ZSWIM6: variants seen among roughly 807,000 people sequenced by gnomAD.
ZSWIM6 encodes zinc finger SWIM-type containing 6, also known as zinc finger SWIM domain-containing protein 6.
Under a neutral mutation model 113.2 loss-of-function variants are expected in ZSWIM6, and 9 were observed. That is an observed-to-expected ratio of 0.08 (90% CI 0.05 to 0.14). The LOEUF is 0.14. Among genes scored for constraint, ZSWIM6 ranks in the 10% least tolerant of loss-of-function variants. The pLI is 1.00. For synonymous variants in ZSWIM6, 611 were observed against 606.5 expected (o/e 1.01, Z -0.11); for missense variants, 1,162 against 1,552.2 (o/e 0.75, Z 4.22).
At chr5:61,391,687 C>G in intron 1 of ZSWIM6, 1 of 1,113,042 alleles carries the variant, frequency 9.0e-7, no homozygotes, top group Non-Finnish European at 1.4e-6. Context: ...GGATCCTGGC[C>G]TGTCGACTTC....
At chr5:61,334,848 A>G (rs1263150839) in intron 1 of ZSWIM6, among the ~76,000 whole-genome samples, 1 of 150,404 alleles carries the variant, frequency 6.6e-6, no homozygotes, top group Non-Finnish European at 1.5e-5. Flanking sequence ...CAGTATAACA[A>G]ACTAGAGTCT....
At chr5:61,400,051 G>A (rs1160668705) in intron 1 of ZSWIM6, among the ~76,000 whole-genome samples, 1 of 152,204 alleles carries the variant, frequency 6.6e-6, no homozygotes, top group African/African-American at 2.4e-5. Context: ...CTTTGAAGCA[G>A]TCTTGACAGG....
intron 1 of ZSWIM6, among the ~76,000 whole-genome samples, chr5:61,465,678 C>T (rs1324225125): frequency 6.6e-6 from 1 of 152,114 alleles, no homozygotes; most frequent in Non-Finnish European, 1.5e-5. Flanking sequence ...TGGGCCCATC[C>T]AATGCATGCT....
chr5:61,356,174 C>G (rs376813046), intron 1 of ZSWIM6, among the ~76,000 whole-genome samples: 2 of 152,198 alleles, frequency 1.3e-5, no homozygotes, highest in South Asian at 2.1e-4. Context: ...AATCATAGCT[C>G]ACTGCAGCCC....
At chr5:61,539,178 A>G (rs540098443) in intron 11 of ZSWIM6, among the ~76,000 whole-genome samples, 3 of 152,326 alleles carry the variant, frequency 2.0e-5, no homozygotes, top group African/African-American at 7.2e-5. Flanking sequence ...AGCAGAGTTC[A>G]GGTTAGTTAC....
intron 1 of ZSWIM6, among the ~76,000 whole-genome samples, chr5:61,464,158 A>AT (rs869288331): frequency 0.027 from 1,192 of 43,460 alleles, 46 homozygotes; most frequent in East Asian, 0.035. Flanking sequence ...CACCCGGCTA[A>AT]TTTTTTTTTT....
intron 5 of ZSWIM6, among the ~76,000 whole-genome samples, chr5:61,523,342 T>C (rs1229650376): frequency 2.0e-5 from 3 of 152,232 alleles, no homozygotes; most frequent in Non-Finnish European, 2.9e-5. Context: ...GAAGGGCTTA[T>C]CCAGGCTCTG....
chr5:61,431,251 T>C (rs1746573164), intron 1 of ZSWIM6, among the ~76,000 whole-genome samples: 1 of 151,346 alleles, frequency 6.6e-6, no homozygotes. Context: ...TACGTGCCTG[T>C]AGTCCCAGCT....
intron 1 of ZSWIM6, among the ~76,000 whole-genome samples, chr5:61,465,837 G>A (rs1747422434): frequency 6.6e-6 from 1 of 152,124 alleles, no homozygotes; most frequent in African/African-American, 2.4e-5. Context: ...TTAAAATAAA[G>A]CTTTTCCTTT....
chr5:61,337,966 A>ATG (rs140416092), intron 1 of ZSWIM6, among the ~76,000 whole-genome samples: 86 of 150,316 alleles, frequency 5.7e-4, no homozygotes, highest in Middle Eastern at 6.9e-3. Context: ...GTGTTCGCAT[A>ATG]TGTGTGTGTG....
At chr5:61,430,011 C>T (rs551343790) in intron 1 of ZSWIM6, among the ~76,000 whole-genome samples, 4 of 152,174 alleles carry the variant, frequency 2.6e-5, no homozygotes, top group African/African-American at 4.8e-5. Flanking sequence ...GTTGCAGAAG[C>T]GAAGTCAAAG....
intron 1 of ZSWIM6, among the ~76,000 whole-genome samples, chr5:61,469,687 T>A (rs1747519822): frequency 6.6e-6 from 1 of 152,152 alleles, no homozygotes; most frequent in South Asian, 2.1e-4. Flanking sequence ...TTCACCAGTT[T>A]TTATAAGGCC....
At chr5:61,363,866 TTCCTTCCCTCCTTCCTTCCTTCCC>T (rs1483933806) in intron 1 of ZSWIM6, among the ~76,000 whole-genome samples, 1 of 111,380 alleles carries the variant, frequency 9.0e-6, no homozygotes, top group Non-Finnish European at 2.1e-5. Context: ...CCTTCCTTCC[TTCCTTCCCTCCTTCCTTCCTTCCC>T]TCCTTCCCTC....
intron 1 of ZSWIM6, among the ~76,000 whole-genome samples, chr5:61,397,580 G>C (rs773946778): frequency 2.0e-5 from 3 of 151,934 alleles, no homozygotes; most frequent in Non-Finnish European, 4.4e-5. Flanking sequence ...AGTTTACTTT[G>C]TTTTAAAAAC....
chr5:61,524,080 A>T (rs564448857), intron 5 of ZSWIM6, among the ~76,000 whole-genome samples: 1 of 152,362 alleles, frequency 6.6e-6, no homozygotes, highest in East Asian at 1.9e-4. Context: ...ATTTCAGCTT[A>T]ACAAAATAAA....
At chr5:61,516,103 T>G (rs1486681322) in intron 4 of ZSWIM6, among the ~76,000 whole-genome samples, 2 of 151,872 alleles carry the variant, frequency 1.3e-5, no homozygotes, top group Admixed American at 1.3e-4. Flanking sequence ...GTCTTGTTTT[T>G]TAGCCTGATT....
intron 1 of ZSWIM6, among the ~76,000 whole-genome samples, chr5:61,455,674 C>A (rs1317141417): frequency 2.0e-5 from 3 of 152,106 alleles, no homozygotes; most frequent in Non-Finnish European, 2.9e-5. Flanking sequence ...AGCTAAAGGA[C>A]TGGTAGCCCA....
At chr5:61,525,707 G>A in intron 5 of ZSWIM6, 93 bp from the exon 6 acceptor site, 1 of 1,405,008 alleles carries the variant, frequency 7.1e-7, no homozygotes, top group Non-Finnish European at 9.7e-7. Context: ...GTGTGTGGGT[G>A]TGTTCATGAA....
chr5:61,471,928 T>TTGTGTGTGTG (rs111311363), intron 1 of ZSWIM6, among the ~76,000 whole-genome samples: 2 of 150,102 alleles, frequency 1.3e-5, no homozygotes, highest in Admixed American at 1.3e-4. Flanking sequence ...TACCGTGTAT[T>TTGTGTGTGTG]TGTGTGTGTG....
Sources: allele counts gnomAD v4.1 joint callset (sites outside exome capture counted in the v4.1 genomes callset), GRCh38; gene constraint gnomAD v4.1.1; transcripts MANE v1.5; gene names NCBI Gene and HGNC (gene_info 2026-07-23, HGNC 2026-07-21).